Variants in GRIK4 observed in about 807,000 individuals in gnomAD.
GRIK4 encodes glutamate receptor ionotropic, kainate 4.
GRIK4 carries 40 observed loss-of-function variants against 104.9 expected under a neutral mutation model. The ratio of observed to expected loss-of-function variants is 0.38; its 90% CI spans 0.30 to 0.50. The LOEUF is 0.50. Ranked by LOEUF, GRIK4 falls within the 20% of genes least tolerant of loss-of-function variation. GRIK4 has a pLI of 0.93. For synonymous variants in GRIK4, 485 were observed against 524.9 expected, an observed-to-expected ratio of 0.92 and a Z score of 1.04; for missense variants, 1,047 against 1,308.1, an observed-to-expected ratio of 0.80 and a Z score of 3.08.
rs187485293 is a variant in GRIK4 at position 120,677,622 on chromosome 11, C to T, written c.82+17222C>T. On this transcript the variant is annotated intron_variant, in intron 3 of 20. Transcript: ENST00000527524. The stretch of plus-strand genomic sequence containing the variant: ...TCTAAATGTGGAAAGGCCAGACTCT[C>T]AGACATGAAGGAACTAGAGGGCGAT... Among the ~76,000 whole-genome samples, 281 of 152,326 alleles carry T rather than the reference C, an allele frequency of 1.8e-3. 5 individuals are homozygous for T. The highest frequency in any genetic ancestry group is 0.012 in the Admixed American group (185 of 15,304).
intron 19 of GRIK4, among the ~76,000 whole-genome samples, chr11:120,970,814 C>A (rs977474814): frequency 6.6e-6 from 1 of 152,114 alleles, no homozygotes; most frequent in East Asian, 1.9e-4. Context: ...TACCCTCCTG[C>A]GTATGTGTTT....
intron 11 of GRIK4, among the ~76,000 whole-genome samples, chr11:120,892,613 A>G (rs574169481): frequency 6.6e-6 from 1 of 152,290 alleles, no homozygotes; most frequent in South Asian, 2.1e-4. Context: ...AGGAAGCCCC[A>G]GAGGACCCCT....
At chr11:120,863,314 A>G (rs1954310193) in intron 9 of GRIK4, among the ~76,000 whole-genome samples, 1 of 152,194 alleles carries the variant, frequency 6.6e-6, no homozygotes, top group African/African-American at 2.4e-5. Context: ...GCTGTTAACT[A>G]CATTATTCAG....
chr11:120,611,255 T>C (rs1228836664), intron 1 of GRIK4, among the ~76,000 whole-genome samples: 1 of 152,216 alleles, frequency 6.6e-6, no homozygotes, highest in Non-Finnish European at 1.5e-5. Context: ...ATTTGAATCC[T>C]AGCTCTGCTG....
At chr11:120,814,354 C>T (rs1421653026) in intron 4 of GRIK4, among the ~76,000 whole-genome samples, 2 of 152,152 alleles carry the variant, frequency 1.3e-5, no homozygotes, top group African/African-American at 4.8e-5. Flanking sequence ...AATCCCAGCA[C>T]TTCGGGAGGC....
chr11:120,880,010 C>T (rs569782814), intron 11 of GRIK4, among the ~76,000 whole-genome samples: 2 of 152,180 alleles, frequency 1.3e-5, no homozygotes, highest in Non-Finnish European at 2.9e-5. Flanking sequence ...ATAAGATGAG[C>T]GTATCTTTCA....
In GRIK4 at chr11:120,986,204, C is replaced by G; in HGVS notation, c.2815C>G (p.Arg939Gly). The G allele has an allele frequency of 6.4e-7, 1 of 1,570,670 alleles. No individual in the cohort carries two copies. The highest frequency in any genetic ancestry group is 8.6e-7 in the Non-Finnish European group (1 of 1,168,182). Residue 939 changes from arginine to glycine, a missense_variant, in exon 21 of 21, where the codon CGC becomes GGC. Transcript: ENST00000527524. ...CCTGCGGGCACGGCCGTCGCCCGCC[C>G]GCAGCGAGGAGAGCCTGGAGTGGGA... Reference protein sequence around the residue: ...QGLRARPSPARSEESLEWEKT... With the variant: ...QGLRARPSPAGSEESLEWEKT...
At chr11:120,618,848 A>G (rs963827111) in intron 1 of GRIK4, among the ~76,000 whole-genome samples, 5 of 152,244 alleles carry the variant, frequency 3.3e-5, no homozygotes, top group Non-Finnish European at 7.3e-5. Flanking sequence ...GGAAAAGCCT[A>G]TTGGTCTAGG....
chr11:120,857,074 G>A (rs560515120), intron 8 of GRIK4, among the ~76,000 whole-genome samples: 27 of 152,204 alleles, frequency 1.8e-4, no homozygotes, highest in African/African-American at 5.8e-4. Flanking sequence ...AGGCATGGTC[G>A]GCCCCTTGCA....
chr11:120,747,977 CA>C (rs1220761165), intron 3 of GRIK4, among the ~76,000 whole-genome samples: 1 of 152,204 alleles, frequency 6.6e-6, no homozygotes, highest in Non-Finnish European at 1.5e-5. Context: ...CATGATCCAG[CA>C]ACTAAGTGGT....
At chr11:120,635,982 C>T (rs539921924) in intron 1 of GRIK4, among the ~76,000 whole-genome samples, 6 of 152,304 alleles carry the variant, frequency 3.9e-5, no homozygotes, top group African/African-American at 7.2e-5. Context: ...CCATAGATAA[C>T]GTTTTGCCTC....
chr11:120,584,015 G>A lies in GRIK4; in HGVS notation c.-158-69670G>A, dbSNP rs575240237. 6.6e-5 allele frequency among the ~76,000 whole-genome samples: 10 copies of A among 152,246 alleles called. No individual in the cohort carries two copies. The South Asian group carries it at 2.1e-3, about 32-fold the overall frequency. Reference sequence around the variant, plus strand: ...GTACTCTTGATTTGGCTTTCATCTTGGACGTTGTTGGTGTATAGAAATGCT... The same window carrying A: ...GTACTCTTGATTTGGCTTTCATCTTAGACGTTGTTGGTGTATAGAAATGCT... On this transcript the variant is annotated intron_variant, in intron 1 of 20. Coordinates refer to ENST00000527524, the MANE Select transcript of GRIK4 (RefSeq NM_014619.5).
In GRIK4 at chr11:120,905,242, A is replaced by C. The variant is rs1942840491; in HGVS notation, c.1273-48A>C. The C allele has an allele frequency of 7.2e-7, 1 of 1,382,310 alleles. No homozygotes were observed. The highest frequency in any genetic ancestry group is 1.0e-6 in the Non-Finnish European group (1 of 970,382). The allele number at this position is 1,382,310 out of a possible 1,614,324, so 85.6% of individuals were successfully genotyped here. On this transcript the variant is annotated intron_variant, in intron 12 of 20. Transcript: ENST00000527524. The surrounding 1 kb of genome is among the most constrained non-coding windows in gnomAD (Gnocchi z 5.1). Reference sequence around the variant, plus strand: ...TGGCCCTCCCCATCACACGCGGGTGAGACACCAGGGCTAAGATGAGAATGA... The same window carrying C: ...TGGCCCTCCCCATCACACGCGGGTGCGACACCAGGGCTAAGATGAGAATGA...
At chr11:120,523,355 T>C (rs537454232) in intron 1 of GRIK4, among the ~76,000 whole-genome samples, 4 of 152,076 alleles carry the variant, frequency 2.6e-5, no homozygotes, top group African/African-American at 7.2e-5. Flanking sequence ...GCATTTCTCC[T>C]GCACGGAGCT....
chr11:120,852,291 A>G (rs1307103527), intron 8 of GRIK4, among the ~76,000 whole-genome samples: 1 of 152,258 alleles, frequency 6.6e-6, no homozygotes, highest in East Asian at 1.9e-4. Flanking sequence ...TCCTGGAAGC[A>G]TATGACTGAG....
chr11:120,982,069 T>C (rs763647159), intron 19 of GRIK4, 37 bp from the exon 20 acceptor site: 1 of 1,269,696 alleles, frequency 7.9e-7, no homozygotes. Flanking sequence ...TTCCTGATCT[T>C]TTACAATATT....
At chr11:120,840,345 G>A (rs1254743083) in intron 8 of GRIK4, among the ~76,000 whole-genome samples, 1 of 151,894 alleles carries the variant, frequency 6.6e-6, no homozygotes, top group African/African-American at 2.4e-5. Context: ...AATGAGATCT[G>A]GGTGGTCGGA....
At chr11:120,604,506 G>A (rs1948932808) in intron 1 of GRIK4, among the ~76,000 whole-genome samples, 1 of 152,246 alleles carries the variant, frequency 6.6e-6, no homozygotes. Flanking sequence ...CTTGTGCCCA[G>A]ACCTGGGAAG....
At chr11:120,835,162 T>C (rs963358867) in intron 7 of GRIK4, among the ~76,000 whole-genome samples, 4 of 152,290 alleles carry the variant, frequency 2.6e-5, no homozygotes, top group South Asian at 2.1e-4. Flanking sequence ...GCCCTCCAGC[T>C]TCCCATTGGA....
Sources: gnomAD v4.1 joint callset for allele counts (sites outside exome capture counted in the v4.1 genomes callset) on GRCh38, gnomAD v4.1.1 for gene constraint, Gnocchi (gnomAD v3.1) non-coding constraint, MANE v1.5 for transcripts, NCBI Gene and HGNC (gene_info 2026-07-23, HGNC 2026-07-21) for gene names.